GRM7: variants seen among roughly 807,000 people sequenced by gnomAD.
GRM7 encodes glutamate metabotropic receptor 7.
GRM7 carries 35 observed loss-of-function variants against 84.5 expected under a neutral mutation model. The observed-to-expected ratio is 0.41, with a 90% CI of 0.32 to 0.55. GRM7 has a LOEUF of 0.55. Among genes scored for constraint, GRM7 ranks in the 20% least tolerant of loss-of-function variants. The pLI, the probability that GRM7 is intolerant of heterozygous loss-of-function variation, is 0.19. For missense variants in GRM7, 1,003 were observed against 1,194.6 expected (o/e 0.84, Z 2.36); for synonymous variants, 487 against 455.1 (o/e 1.07, Z -0.89).
intron 1 of GRM7, among the ~76,000 whole-genome samples, chr3:7,070,943 T>A (rs1050665662): frequency 6.6e-6 from 1 of 152,112 alleles, no homozygotes; most frequent in Non-Finnish European, 1.5e-5. Flanking sequence ...TTTACTTTAA[T>A]TTGCTTTTTA....
chr3:7,736,604 G>T (rs191428460), intron 9 of GRM7, among the ~76,000 whole-genome samples: 2 of 152,234 alleles, frequency 1.3e-5, no homozygotes, highest in Admixed American at 1.3e-4. Flanking sequence ...GGACAACACT[G>T]TAGTAGCAAG....
Position 7,295,964 on chromosome 3 carries a change from C to T in GRM7, c.737-2720C>T, listed in dbSNP as rs190241203. ...ACAGTATTGAACAGGATAGGGCAAC[C>T]TTGCCTTGTGGTCTCTTACTATTAA... On this transcript the variant is annotated intron_variant, in intron 2 of 9. Transcript: ENST00000357716. Among the ~76,000 whole-genome samples, 139 of 152,114 alleles carry T rather than the reference C, an allele frequency of 9.1e-4. 1 individual carries two copies. Among genetic ancestry groups the T allele is most frequent in the Middle Eastern group, 3.4e-3 (1 of 294 alleles).
chr3:7,599,089 A>G (rs1184208846), intron 8 of GRM7, among the ~76,000 whole-genome samples: 1 of 152,160 alleles, frequency 6.6e-6, no homozygotes, highest in African/African-American at 2.4e-5. Flanking sequence ...CTGAGAACAG[A>G]GACTTCTATC....
intron 1 of GRM7, among the ~76,000 whole-genome samples, chr3:7,064,330 T>C (rs1193477291): frequency 6.6e-6 from 1 of 150,598 alleles, no homozygotes; most frequent in East Asian, 2.0e-4. Context: ...TGAGAACATA[T>C]GACATTTGGT....
At chr3:7,149,321 G>GC (rs1392410243) in intron 2 of GRM7, among the ~76,000 whole-genome samples, 13 of 152,138 alleles carry the variant, frequency 8.5e-5, no homozygotes, top group African/African-American at 3.1e-4. Flanking sequence ...CGCGCATCTT[G>GC]CTGCTGCAAA....
intron 2 of GRM7, among the ~76,000 whole-genome samples, chr3:7,193,717 A>G (rs1008881370): frequency 2.0e-5 from 3 of 151,816 alleles, no homozygotes; most frequent in Admixed American, 1.3e-4. Flanking sequence ...TCACATACAC[A>G]TAGGACAGAT....
intron 5 of GRM7, among the ~76,000 whole-genome samples, chr3:7,446,524 G>A (rs1269150641): frequency 1.4e-5 from 2 of 147,184 alleles, no homozygotes; most frequent in Non-Finnish European, 3.0e-5. Context: ...GTAGTGGCGC[G>A]ATCTCAGCTC....
intron 2 of GRM7, among the ~76,000 whole-genome samples, chr3:7,227,129 C>T (rs1697008730): frequency 6.6e-6 from 1 of 152,082 alleles, no homozygotes; most frequent in South Asian, 2.1e-4. Context: ...CATTATTCAG[C>T]CTGTTAAACT....
chr3:7,527,822 C>A (rs1041606687), intron 7 of GRM7, among the ~76,000 whole-genome samples: 2 of 151,922 alleles, frequency 1.3e-5, no homozygotes, highest in Non-Finnish European at 2.9e-5. Flanking sequence ...TGTGTTAAAT[C>A]ACATTTATTG....
chr3:7,182,436 A>G (rs1695371524), intron 2 of GRM7, among the ~76,000 whole-genome samples: 2 of 152,140 alleles, frequency 1.3e-5, no homozygotes, highest in South Asian at 2.1e-4. Flanking sequence ...TTGGGAGACG[A>G]TTGTATTTTG....
intron 2 of GRM7, among the ~76,000 whole-genome samples, chr3:7,199,384 C>T (rs2125112175): frequency 6.6e-6 from 1 of 152,310 alleles, no homozygotes; most frequent in East Asian, 1.9e-4. Flanking sequence ...AGGGCTGATG[C>T]CACATGAAGC....
Position 7,581,116 on chromosome 3 carries a change from T to C in GRM7, c.2451+1759T>C, listed in dbSNP as rs769190522. On this transcript the variant is annotated intron_variant, in intron 8 of 9. Coordinates refer to ENST00000357716, the MANE Select transcript of GRM7 (RefSeq NM_000844.4). Reference sequence around the variant, plus strand: ...TAATGGTTTTATAGATGAGTCTGATTGCAATGCCTATTTGACAATATATGT... The same window carrying C: ...TAATGGTTTTATAGATGAGTCTGATCGCAATGCCTATTTGACAATATATGT... Among the ~76,000 whole-genome samples, 25 of 152,324 alleles carry C rather than the reference T, an allele frequency of 1.6e-4. No homozygotes were observed. The Middle Eastern group carries it at 0.024, about 145-fold the overall frequency.
At chr3:7,568,235 C>G (rs879504540) in intron 7 of GRM7, among the ~76,000 whole-genome samples, 4 of 151,700 alleles carry the variant, frequency 2.6e-5, no homozygotes, top group Non-Finnish European at 4.4e-5. Context: ...AATAGTGCAT[C>G]ACAATATCAA....
intron 4 of GRM7, among the ~76,000 whole-genome samples, chr3:7,411,148 C>G (rs1242252874): frequency 6.6e-6 from 1 of 152,134 alleles, no homozygotes; most frequent in African/African-American, 2.4e-5. Flanking sequence ...GGATTTACAG[C>G]CCTCACGAAT....
intron 1 of GRM7, among the ~76,000 whole-genome samples, chr3:7,099,966 A>T (rs1354417790): frequency 6.8e-6 from 1 of 147,842 alleles, no homozygotes; most frequent in Admixed American, 6.8e-5. Context: ...TACATATATT[A>T]TACATATATA....
intron 2 of GRM7, among the ~76,000 whole-genome samples, chr3:7,253,460 C>G (rs1473620353): frequency 1.3e-5 from 2 of 151,344 alleles, no homozygotes; most frequent in African/African-American, 2.4e-5. Context: ...ACTAAAAATA[C>G]AAAAAAATTA....
At chr3:7,276,392 A>C (rs1699058320) in intron 2 of GRM7, among the ~76,000 whole-genome samples, 1 of 151,858 alleles carries the variant, frequency 6.6e-6, no homozygotes, top group African/African-American at 2.4e-5. Context: ...TTATCCCTTG[A>C]TACCCTGATA....
chr3:6,971,207 C>A (rs1471504105), intron 1 of GRM7, among the ~76,000 whole-genome samples: 1 of 152,016 alleles, frequency 6.6e-6, no homozygotes, highest in East Asian at 1.9e-4. Flanking sequence ...CAACAAAGCA[C>A]TTTGCTAATT....
intron 4 of GRM7, among the ~76,000 whole-genome samples, chr3:7,368,729 G>C (rs575219484): frequency 6.6e-6 from 1 of 152,108 alleles, no homozygotes; most frequent in Non-Finnish European, 1.5e-5. Flanking sequence ...AGATCAGATG[G>C]ACAGCACAGA....
Sources: allele counts gnomAD v4.1 joint callset (sites outside exome capture counted in the v4.1 genomes callset), GRCh38; gene constraint gnomAD v4.1.1; transcripts MANE v1.5; gene names NCBI Gene and HGNC (gene_info 2026-07-23, HGNC 2026-07-21).